The following PTK2B variants were observed in gnomAD, a reference collection of about 807,000 sequenced individuals.
PTK2B encodes the protein protein-tyrosine kinase 2-beta.
In PTK2B, 71 loss-of-function variants were observed where a neutral mutation model predicts 142.9. The ratio of observed to expected loss-of-function variants is 0.50; its 90% CI spans 0.41 to 0.61. The LOEUF is 0.61. PTK2B is among the 20% of genes least tolerant of loss of function. The probability of loss-of-function intolerance (pLI) is 0.00; values close to 1 mark genes in which losing one functional copy is unlikely to be tolerated. For missense variants in PTK2B, 1,105 were observed against 1,320.4 expected, an observed-to-expected ratio of 0.84 and a Z score of 2.53; for synonymous variants, 519 against 503.4, an observed-to-expected ratio of 1.03 and a Z score of -0.42.
At position 27,367,285 on chromosome 8, in the gene PTK2B, C is replaced by T. The variant is rs572338647; in HGVS notation, c.-37-30263C>T. On this transcript the variant is annotated intron_variant, in intron 1 of 30. Coordinates refer to ENST00000346049, the MANE Select transcript of PTK2B (RefSeq NM_173176.3). Reference sequence around the variant, plus strand: ...ATCCTGGTTTTGGGAGCAGCTCTGCCTGAGAGACCCTCCTGTGGGCATGGT... The same window carrying T: ...ATCCTGGTTTTGGGAGCAGCTCTGCTTGAGAGACCCTCCTGTGGGCATGGT... Among the ~76,000 whole-genome samples, 34 of 152,318 alleles carry T rather than the reference C, an allele frequency of 2.2e-4. No homozygotes were observed. In the South Asian group the frequency reaches 6.8e-3, roughly 31 times the overall value.
chr8:27,454,636 C>A, intron 30 of PTK2B, 25 bp downstream of exon 30: 1 of 1,606,450 alleles, frequency 6.2e-7, no homozygotes, highest in African/African-American at 1.3e-5. Context: ...CCAGACAGCA[C>A]CATAGGCTGT....
intron 1 of PTK2B, among the ~76,000 whole-genome samples, chr8:27,394,516 G>A (rs77898541): frequency 0.01 from 1,564 of 152,328 alleles, 21 homozygotes; most frequent in African/African-American, 0.03. Context: ...TTGCAGAACC[G>A]AAAGTTGCTC....
chr8:27,401,871 T>C (rs1189487728), intron 2 of PTK2B, among the ~76,000 whole-genome samples: 1 of 152,136 alleles, frequency 6.6e-6, no homozygotes, highest in Non-Finnish European at 1.5e-5. Context: ...ATTATAGCCA[T>C]GGGGATAGTG....
intron 1 of PTK2B, among the ~76,000 whole-genome samples, chr8:27,378,566 C>T (rs1432649494): frequency 1.3e-5 from 2 of 151,466 alleles, no homozygotes; most frequent in Non-Finnish European, 2.9e-5. Flanking sequence ...GTTTAAGTTG[C>T]ACATGATTCA....
chr8:27,334,755 C>T (rs556563275), intron 1 of PTK2B, among the ~76,000 whole-genome samples: 9 of 152,268 alleles, frequency 5.9e-5, no homozygotes, highest in Non-Finnish European at 8.8e-5. Context: ...CAGTGGGTGT[C>T]GCAACAGCCA....
At chr8:27,408,634 C>CA (rs1808870335) in intron 2 of PTK2B, among the ~76,000 whole-genome samples, 1 of 152,100 alleles carries the variant, frequency 6.6e-6, no homozygotes, top group Non-Finnish European at 1.5e-5. Context: ...TTTAGGAAGC[C>CA]AAAAGCCTTG....
At chr8:27,354,923 T>G (rs776805113) in intron 1 of PTK2B, among the ~76,000 whole-genome samples, 11 of 152,220 alleles carry the variant, frequency 7.2e-5, no homozygotes, top group Non-Finnish European at 1.5e-4. Context: ...ATTTTTATTA[T>G]ACTGCTTATG....
At chr8:27,389,710 T>C (rs1288606182) in intron 1 of PTK2B, among the ~76,000 whole-genome samples, 2 of 152,130 alleles carry the variant, frequency 1.3e-5, no homozygotes, top group Non-Finnish European at 2.9e-5. Flanking sequence ...AATCACAACC[T>C]TTCTGGTTCT....
At chr8:27,375,808 G>C (rs907051440) in intron 1 of PTK2B, among the ~76,000 whole-genome samples, 2 of 152,200 alleles carry the variant, frequency 1.3e-5, no homozygotes, top group Non-Finnish European at 2.9e-5. Flanking sequence ...TTAGTATTCT[G>C]CCTGTACGAC....
intron 27 of PTK2B, 154 bp downstream of exon 27, chr8:27,451,663 A>G: frequency 3.4e-6 from 5 of 1,491,088 alleles, no homozygotes; most frequent in Non-Finnish European, 4.5e-6. Flanking sequence ...GGGGCAGGCC[A>G]GCTTCCCCTC....
chr8:27,382,282 C>G (rs1470208033), intron 1 of PTK2B, among the ~76,000 whole-genome samples: 1 of 152,080 alleles, frequency 6.6e-6, no homozygotes, highest in African/African-American at 2.4e-5. Flanking sequence ...CTTTCAGATA[C>G]TTTGCTCATT....
At chr8:27,339,311 C>G (rs563292485) in intron 1 of PTK2B, among the ~76,000 whole-genome samples, 1 of 152,170 alleles carries the variant, frequency 6.6e-6, no homozygotes, top group Non-Finnish European at 1.5e-5. Context: ...ACAAAGGCTT[C>G]TGGGTTGCTG....
intron 21 of PTK2B, 50 bp from the exon 22 acceptor site, chr8:27,442,824 GC>G: frequency 2.0e-6 from 3 of 1,500,864 alleles, no homozygotes; most frequent in Non-Finnish European, 2.8e-6. Flanking sequence ...GCCCCAAGGA[GC>G]GTCTCACTTT....
chr8:27,439,005 T>A, intron 18 of PTK2B, 26 bp from the exon 19 acceptor site: 2 of 1,590,150 alleles, frequency 1.3e-6, no homozygotes, highest in Non-Finnish European at 1.7e-6. Flanking sequence ...CAGTGCCTCA[T>A]CCTGGTCTTG....
chr8:27,348,177 A>G lies in PTK2B; in HGVS notation c.-38+22496A>G, dbSNP rs145547031. The stretch of plus-strand genomic sequence containing the variant: ...AGAAATATCCCCAAAGTTGAAAACC[A>G]GTGAAACTGGATGCCTGAAGTCTGT... On this transcript the variant is annotated intron_variant, in intron 1 of 30. Coordinates refer to ENST00000346049, the MANE Select transcript of PTK2B (RefSeq NM_173176.3). Among the ~76,000 whole-genome samples, 860 of 152,394 alleles carry G rather than the reference A, an allele frequency of 5.6e-3. 5 individuals are homozygous for G. Among genetic ancestry groups the G allele is most frequent in the African/African-American group, 0.02 (826 of 41,594 alleles).
At chr8:27,342,289 C>CT (rs111449065) in intron 1 of PTK2B, among the ~76,000 whole-genome samples, 2,174 of 145,902 alleles carry the variant, frequency 0.015, 30 homozygotes, top group Non-Finnish European at 0.024. Flanking sequence ...TACTTTGTTC[C>CT]TTTTTTTTTT....
rs1364231871 is a variant in PTK2B, at chr8:27,325,635, A to T, written c.-84A>T. ...CCTGTACTTGCCGCCGTCCCGGCTC[A>T]CCTGGCGGTGCCCGAGGAGTAGTCG... On this transcript the variant is annotated 5_prime_UTR_variant, in exon 1 of 31. Transcript: ENST00000346049. 1 of 152,390 alleles carries T rather than the reference A, an allele frequency of 6.6e-6. No homozygotes were observed. Among genetic ancestry groups the T allele is most frequent in the Non-Finnish European group, 1.5e-5 (1 of 68,188 alleles). 9.4% of individuals were successfully genotyped at this position (152,390 alleles called of 1,614,324 possible). A position where few individuals can be genotyped will look rare whatever the true frequency, so the allele number is the denominator to read the frequency against.
chr8:27,437,228 C>T (rs1810837104), intron 16 of PTK2B, 22 bp downstream of exon 16: 1 of 1,600,924 alleles, frequency 6.2e-7, no homozygotes, highest in Non-Finnish European at 8.6e-7. Flanking sequence ...TGAGACCAAC[C>T]AGGCCTCCAA....
At chr8:27,315,152 A>G (rs951945683) in intron 3 of PTK2B, among the ~76,000 whole-genome samples, 4 of 152,146 alleles carry the variant, frequency 2.6e-5, no homozygotes, top group African/African-American at 7.2e-5. Flanking sequence ...GAATACCACT[A>G]ACTCTAATTG....
Sources: gnomAD v4.1 joint callset for allele counts (sites outside exome capture counted in the v4.1 genomes callset) on GRCh38, gnomAD v4.1.1 for gene constraint, MANE v1.5 for transcripts, NCBI Gene and HGNC (gene_info 2026-07-23, HGNC 2026-07-21) for gene names.